Variants in TF observed in about 807,000 individuals in gnomAD.
The protein encoded by TF is transferrin.
In TF, 55 loss-of-function variants were observed where a neutral mutation model predicts 82.4. That is an observed-to-expected ratio of 0.67 (90% CI 0.54 to 0.84). The LOEUF is 0.84. Ranked by LOEUF, TF falls within the 40% of genes least tolerant of loss-of-function variation. The probability of loss-of-function intolerance (pLI) is 0.00; values close to 1 mark genes in which losing one functional copy is unlikely to be tolerated. For missense variants in TF, 737 were observed against 868.4 expected (o/e 0.85, Z 1.90); for synonymous variants, 332 against 332.6 (o/e 1.00, Z 0.02).
chr3:133,732,530 T>C, the TF span, among the ~76,000 whole-genome samples: 1 of 152,204 alleles, frequency 6.6e-6, no homozygotes, highest in African/African-American at 2.4e-5. Context: ...CCGGTTCCTT[T>C]TCACAGTGTG....
At chr3:133,695,003 G>C in the TF span, among the ~76,000 whole-genome samples, 1 of 151,962 alleles carries the variant, frequency 6.6e-6, no homozygotes, top group Non-Finnish European at 1.5e-5. Context: ...GACTGCCAGG[G>C]CTCCTGGCTG....
At chr3:133,753,533 G>A (rs1402980255) in intron 2 of TF, 62 bp from the exon 3 acceptor site, 4 of 1,452,486 alleles carry the variant, frequency 2.8e-6, no homozygotes, top group Non-Finnish European at 2.9e-6. Flanking sequence ...TACTTGTGTG[G>A]GTTGAGGTGG....
chr3:133,796,510 A>G lies in TF; in HGVS notation c.*17890A>G, dbSNP rs1278624947. 2 of 152,262 alleles carry G rather than the reference A, an allele frequency of 1.3e-5. No individual in the cohort carries two copies. Among genetic ancestry groups the G allele is most frequent in the Non-Finnish European group, 1.5e-5 (1 of 68,052 alleles). The allele number at this position is 152,262 out of a possible 1,614,324, so 9.4% of individuals were successfully genotyped here. ...ACATAGGGCATACACTGAGTAACCA[A>G]TGGAAACCTCTAGAGGGTATTTAAA... On this transcript the variant is annotated 3_prime_UTR_variant, in exon 17 of 17. Transcript: ENST00000402696.
intron 2 of TF, among the ~76,000 whole-genome samples, chr3:133,749,283 T>C (rs1190008500): frequency 1.3e-5 from 2 of 152,222 alleles, no homozygotes; most frequent in Non-Finnish European, 1.5e-5. Context: ...AGTGTCCTGA[T>C]TGCAGGTGAC....
At chr3:133,663,074 A>G in the TF span, among the ~76,000 whole-genome samples, 2 of 152,194 alleles carry the variant, frequency 1.3e-5, no homozygotes, top group South Asian at 4.1e-4. Context: ...ATATCTGATC[A>G]GGTTCCTCAT....
rs1030605099 is a variant in TF at position 133,781,508 on chromosome 3, C to A, written c.*2888C>A. The A allele has an allele frequency of 2.0e-5, 3 of 151,862 alleles. No individual in the cohort carries two copies. The highest frequency in any genetic ancestry group is 7.3e-5 in the African/African-American group (3 of 41,370). 9.4% of individuals were successfully genotyped at this position (151,862 alleles called of 1,614,324 possible). A position where few individuals can be genotyped will look rare whatever the true frequency, so the allele number is the denominator to read the frequency against. ...TAAATTAATAAAAGCTACATTTAAA[C>A]CACACTTATCAAAGTAAAAAATAAT... On this transcript the variant is annotated 3_prime_UTR_variant, in exon 17 of 17. Coordinates refer to ENST00000402696, the MANE Select transcript of TF (RefSeq NM_001063.4).
In TF at chr3:133,759,286, G is replaced by A. The variant is rs1299270179; in HGVS notation, c.1160G>A (p.Cys387Tyr). The A allele has an allele frequency of 1.2e-6, 2 of 1,613,802 alleles. No individual in the cohort carries two copies. Among genetic ancestry groups the A allele is most frequent in the South Asian group, 1.1e-5 (1 of 91,040 alleles). ...WSVNSVGKIECVSAETTEDCI... is the reference protein window; with the variant it reads ...WSVNSVGKIEYVSAETTEDCI... The stretch of plus-strand genomic sequence containing the variant: ...GTTAACAGTGTAGGGAAAATAGAGT[G>A]TGTATCAGCAGAGACCACCGAAGAC... Residue 387 changes from cysteine to tyrosine, a missense_variant, in exon 9 of 17, where the codon TGT becomes TAT. Transcript: ENST00000402696.
chr3:133,693,780 G>A, the TF span, among the ~76,000 whole-genome samples: 2 of 152,196 alleles, frequency 1.3e-5, no homozygotes, highest in Non-Finnish European at 2.9e-5. Flanking sequence ...AGGTAAAGAA[G>A]GACTATTTGG....
chr3:133,709,417 G>A, the TF span: 2 of 152,622 alleles, frequency 1.3e-5, no homozygotes, highest in Non-Finnish European at 2.9e-5. Context: ...GGTGCAGGAG[G>A]GCTGGCCAGA....
chr3:133,694,430 C>A, the TF span: 1 of 152,990 alleles, frequency 6.5e-6, no homozygotes, highest in East Asian at 1.9e-4. Context: ...AGAGAGCGAA[C>A]AGGGCCCACC....
Position 133,790,105 on chromosome 3 carries a change from A to G in TF, c.*11485A>G, listed in dbSNP as rs1459422917. 6.6e-6 allele frequency: 1 copy of G among 152,196 alleles called. No individual in the cohort carries two copies. Among genetic ancestry groups the G allele is most frequent in the South Asian group, 2.1e-4 (1 of 4,826 alleles). The allele number at this position is 152,196 out of a possible 1,614,324, so 9.4% of individuals were successfully genotyped here. A position where few individuals can be genotyped will look rare whatever the true frequency, so the allele number is the denominator to read the frequency against. ...AGAGGTAATCTAGATAAACTGTTAA[A>G]AGTGAAACAATTGAGTACAGTGAAT... On this transcript the variant is annotated 3_prime_UTR_variant, in exon 17 of 17. Transcript: ENST00000402696.
chr3:133,778,598 C>T lies in TF; in HGVS notation c.2075C>T (p.Ala692Val), dbSNP rs1032981099. 1.9e-6 allele frequency: 3 copies of T among 1,613,164 alleles called. No homozygotes were observed. The African/African-American group carries it at 4.0e-5, about 22-fold the overall frequency. The change falls in exon 17 of 17, where the codon GCC becomes GTC. Residue 692 changes from alanine (A) to valine (V), a missense_variant. Physicochemically the swap from Ala to Val is moderately conservative, Grantham distance 64. Transcript: ENST00000402696. ...CTCTGCTCCACAGCACTCCTGGAAG[C>T]CTGCACTTTCCGTAGACCTTAAAAT... is the stretch of plus-strand genomic sequence containing the variant. ...RKCSTSSLLE[A>V]CTFRRP
rs1250598756 is a variant in TF, at chr3:133,756,815, G to A, written c.692-16G>A. ...GGCTCTCCTGTGTTAAGCTCACCTG[G>A]GCTTTCCCTCCCCAGAGAACTTGGC... On this transcript the variant is annotated splice_polypyrimidine_tract_variant and intron_variant, in intron 6 of 16. Transcript: ENST00000402696. 6.2e-7 allele frequency: 1 copy of A among 1,614,020 alleles called. No individual in the cohort carries two copies. Among genetic ancestry groups the A allele is most frequent in the East Asian group, 2.2e-5 (1 of 44,902 alleles).
At chr3:133,689,559 A>T in the TF span, among the ~76,000 whole-genome samples, 1 of 152,124 alleles carries the variant, frequency 6.6e-6, no homozygotes, top group African/African-American at 2.4e-5. Context: ...GAGAAAAAGT[A>T]CATGCATGAA....
intron 3 of TF, chr3:133,753,998 A>G (rs1933752048): frequency 1.9e-6 from 1 of 526,578 alleles, no homozygotes; most frequent in African/African-American, 1.9e-5. Flanking sequence ...CGGTCTACTG[A>G]TATGTCTAGG....
intron 2 of TF, among the ~76,000 whole-genome samples, chr3:133,752,151 G>A (rs1200343527): frequency 6.7e-6 from 1 of 149,418 alleles, no homozygotes; most frequent in Non-Finnish European, 1.5e-5. Context: ...AGAGTGCAGT[G>A]GTACAATCTC....
chr3:133,757,909 G>A lies in TF; in HGVS notation c.1011G>A (p.Glu337=), dbSNP rs1454645696. ...ATGCCAAGATGTACCTGGGCTATGA[G>A]TATGTCACTGCCATCCGGAATCTAC... ...RMDAKMYLGY[E]YVTAIRNLRE... Residue 337 remains glutamate (E), a synonymous_variant, in exon 8 of 17, where the codon GAG becomes GAA. Coordinates refer to ENST00000402696, the MANE Select transcript of TF (RefSeq NM_001063.4). 1 of 1,614,124 alleles carries A rather than the reference G, an allele frequency of 6.2e-7. No homozygotes were observed. The highest frequency in any genetic ancestry group is 2.2e-5 in the East Asian group (1 of 44,892).
rs1005819333 is a variant in TF, at chr3:133,764,167, G to T, written c.1204-15G>T. On this transcript the variant is annotated splice_polypyrimidine_tract_variant and intron_variant, in intron 9 of 16. Transcript: ENST00000402696. ...AGCCTCTTTTCATCTGCTGTGATTT[G>T]CTGTGTCTTTGCAGAATGGAGAAGC... 2.5e-6 allele frequency: 4 copies of T among 1,611,268 alleles called. No homozygotes were observed. The highest frequency in any genetic ancestry group is 3.4e-6 in the Non-Finnish European group (4 of 1,177,558).
rs1934777987 is a variant in TF at position 133,789,645 on chromosome 3, T to C, written c.*11025T>C. 6.6e-6 allele frequency: 1 copy of C among 152,286 alleles called. No homozygotes were observed. The highest frequency in any genetic ancestry group is 1.5e-5 in the Non-Finnish European group (1 of 68,046). The allele number at this position is 152,286 out of a possible 1,614,324, so 9.4% of individuals were successfully genotyped here. ...ATATAAGTAAAAGAGCACTCATAAA[T>C]TAAGTAAATAAGTCGAAGCAATTTT... On this transcript the variant is annotated 3_prime_UTR_variant, in exon 17 of 17. Transcript: ENST00000402696.
Sources: gnomAD v4.1 joint callset for allele counts (sites outside exome capture counted in the v4.1 genomes callset) on GRCh38, gnomAD v4.1.1 for gene constraint, MANE v1.5 for transcripts, NCBI Gene and HGNC (gene_info 2026-07-23, HGNC 2026-07-21) for gene names.